EPS8L2: variants seen among roughly 807,000 people sequenced by gnomAD.
EPS8L2 encodes epidermal growth factor receptor kinase substrate 8-like protein 2.
Under a neutral mutation model 99.4 loss-of-function variants are expected in EPS8L2, and 81 were observed. The ratio of observed to expected loss-of-function variants is 0.82; its 90% CI spans 0.68 to 0.98. The LOEUF is 0.98. Ranked by LOEUF, EPS8L2 falls within the 50% of genes least tolerant of loss-of-function variation. The probability of loss-of-function intolerance (pLI) is 0.00; values close to 1 mark genes in which losing one functional copy is unlikely to be tolerated. For synonymous variants in EPS8L2, 509 were observed against 407.3 expected (o/e 1.25, Z -3.01); for missense variants, 1,155 against 968.8 (o/e 1.19, Z -2.55).
chr11:709,210 G>C, intron 1 of EPS8L2, 120 bp from the exon 2 acceptor site: 1 of 567,520 alleles, frequency 1.8e-6, no homozygotes, highest in Non-Finnish European at 2.9e-6. Context: ...GTCGGGCAGG[G>C]GCTCTGCCCC....
At chr11:720,994 A>AGGAGCCCGGCAGGGGAGGGGC in intron 7 of EPS8L2, 70 bp from the exon 8 acceptor site, 4 of 1,428,160 alleles carry the variant, frequency 2.8e-6, no homozygotes, top group Non-Finnish European at 3.7e-6. Flanking sequence ...AGGGGAGGGG[A>AGGAGCCCGGCAGGGGAGGGGC]GGAGCCCGGC....
chr11:708,260 G>A (rs1861783474), intron 1 of EPS8L2, among the ~76,000 whole-genome samples: 2 of 152,204 alleles, frequency 1.3e-5, no homozygotes, highest in African/African-American at 2.4e-5. Flanking sequence ...GTCCCCACAG[G>A]GCATAGTCCC....
rs1306740024 is a variant in EPS8L2, at chr11:721,956, T to C, written c.949T>C (p.Cys317Arg). Residue 317 changes from cysteine to arginine, a missense_variant, in exon 11 of 21, where the codon TGC becomes CGC. Transcript: ENST00000318562. Reference protein sequence around the residue: ...RPPSEGEFIDCFQKIKLAINL... With the variant: ...RPPSEGEFIDRFQKIKLAINL... ...CCCCTCTGAGGGCGAGTTCATCGAC[T>C]GCTTCCAGAAAATCAAGCTGGCGAT... 62 of 1,603,398 alleles carry C rather than the reference T, an allele frequency of 3.9e-5. No individual in the cohort carries two copies. The highest frequency in any genetic ancestry group is 5.2e-5 in the Non-Finnish European group (61 of 1,175,254).
Position 724,698 on chromosome 11 carries a change from G to T in EPS8L2, c.1455-26G>T, listed in dbSNP as rs749447719. ...TCAGAGGAGACCCCCACCAGACTGGGCCTCAGCCCCTCCTGTTCCTCACAG... is the reference window on the plus strand; with the variant it reads ...TCAGAGGAGACCCCCACCAGACTGGTCCTCAGCCCCTCCTGTTCCTCACAG... On this transcript the variant is annotated intron_variant, in intron 15 of 20. Coordinates refer to ENST00000318562, the MANE Select transcript of EPS8L2 (RefSeq NM_022772.4). The surrounding 1 kb of genome is among the most constrained non-coding windows in gnomAD (Gnocchi z 5.5). The T allele has an allele frequency of 1.3e-6, 2 of 1,563,260 alleles. No homozygotes were observed. Among genetic ancestry groups the T allele is most frequent in the Non-Finnish European group, 1.8e-6 (2 of 1,134,922 alleles).
chr11:707,851 G>C (rs1324976243), intron 1 of EPS8L2, among the ~76,000 whole-genome samples: 1 of 152,152 alleles, frequency 6.6e-6, no homozygotes, highest in Non-Finnish European at 1.5e-5. Context: ...GCCCAGGTGT[G>C]TGCCTGGACA....
At position 720,587 on chromosome 11, in the gene EPS8L2, G is replaced by A. The variant is rs1462288114; in HGVS notation, c.328-10G>A. 1 of 1,596,506 alleles carries A rather than the reference G, an allele frequency of 6.3e-7. No individual in the cohort carries two copies. Among genetic ancestry groups the A allele is most frequent in the Non-Finnish European group, 8.5e-7 (1 of 1,173,392 alleles). ...CGGGTGCGAGTCGTGTCCGCGCGAT[G>A]TACCCGCAGGAGGAGCTGGAAGACT... On this transcript the variant is annotated splice_polypyrimidine_tract_variant and intron_variant, in intron 5 of 20. Coordinates refer to ENST00000318562, the MANE Select transcript of EPS8L2 (RefSeq NM_022772.4).
intron 15 of EPS8L2, among the ~76,000 whole-genome samples, chr11:723,840 T>C (rs1423621830): frequency 6.7e-6 from 1 of 148,870 alleles, no homozygotes; most frequent in Non-Finnish European, 1.5e-5. Context: ...TTTCCTTGCC[T>C]CTCCTCTTCC....
chr11:709,190 C>G (rs2133497417), intron 1 of EPS8L2, 140 bp from the exon 2 acceptor site: 1 of 616,512 alleles, frequency 1.6e-6, no homozygotes, highest in East Asian at 2.7e-5. Context: ...GACGTGGGGC[C>G]AACTGGGATG....
rs758406101 is a variant in EPS8L2 at position 720,753 on chromosome 11, C to T, written c.477+7C>T. The T allele has an allele frequency of 3.7e-6, 4 of 1,081,412 alleles. No individual in the cohort carries two copies. Among genetic ancestry groups the T allele is most frequent in the South Asian group, 2.7e-5 (2 of 73,752 alleles). The allele number at this position is 1,081,412 out of a possible 1,614,324, so 67.0% of individuals were successfully genotyped here. A position where few individuals can be genotyped will look rare whatever the true frequency, so the allele number is the denominator to read the frequency against. On this transcript the variant is annotated splice_region_variant and intron_variant, in intron 6 of 20. Transcript: ENST00000318562. ...CCACTGCGATGAGGTGGAGGTGAGGCGGTGCCGGGCGGGGCAGGGTGGGGC... is the reference window on the plus strand; with the variant it reads ...CCACTGCGATGAGGTGGAGGTGAGGTGGTGCCGGGCGGGGCAGGGTGGGGC...
Position 713,646 on chromosome 11 carries a change from G to A in EPS8L2, c.165+3160G>A, listed in dbSNP as rs531109623. On this transcript the variant is annotated intron_variant, in intron 4 of 20. Transcript: ENST00000318562. ...TGCAACCTCCGCCTCAAGGGTTCAA[G>A]TGATTCTCCTGCCTCAGCCTCCCCA... 5.3e-5 allele frequency among the ~76,000 whole-genome samples: 8 copies of A among 152,328 alleles called. No individual in the cohort carries two copies. The East Asian group carries it at 1.5e-3, about 29-fold the overall frequency.
Position 721,089 on chromosome 11 carries a change from C to G in EPS8L2, c.583C>G (p.Arg195Gly), listed in dbSNP as rs998723580. Residue 195 changes from arginine (R) to glycine (G), a missense_variant, in exon 8 of 21, where the codon CGG (arginine) becomes GGG (glycine). Arg to Gly is a moderately radical substitution (Grantham distance 125). Coordinates refer to ENST00000318562, the MANE Select transcript of EPS8L2 (RefSeq NM_022772.4). ...LKGHQEKIRQ[R>G]QSILPPPQGP... ...GGGACACCAGGAGAAGATTCGGCAG[C>G]GGCAGTCCATCCTGCCTCCTCCCCA... The G allele has an allele frequency of 6.6e-7, 1 of 1,508,362 alleles. No individual in the cohort carries two copies. Among genetic ancestry groups the G allele is most frequent in the Admixed American group, 2.1e-5 (1 of 47,158 alleles). 93.4% of individuals were successfully genotyped at this position (1,508,362 alleles called of 1,614,324 possible).
intron 4 of EPS8L2, among the ~76,000 whole-genome samples, chr11:717,396 C>T (rs1299567143): frequency 6.6e-6 from 1 of 152,216 alleles, no homozygotes; most frequent in Non-Finnish European, 1.5e-5. Flanking sequence ...ACCGATGCCA[C>T]ATTTTGCACG....
At chr11:707,024 C>T (rs1404057710) in intron 1 of EPS8L2, among the ~76,000 whole-genome samples, 3 of 152,004 alleles carry the variant, frequency 2.0e-5, no homozygotes, top group Non-Finnish European at 4.4e-5. Context: ...GAGGCAGGGC[C>T]GGGCATGCCC....
At position 726,372 on chromosome 11, in the gene EPS8L2, C is replaced by T. The variant is rs751317615; in HGVS notation, c.1822C>T (p.Pro608Ser). ...GAAAATCAGCAACATCAGGGCGCAG[C>T]CACAGAGGCACTTCCGCGTGGAGCG... ...IRKISNIRAQPQRHFRVERSQ... is the reference protein window; with the variant it reads ...IRKISNIRAQSQRHFRVERSQ... The change falls in exon 19 of 21, where the codon CCA becomes TCA. Residue 608 changes from proline to serine, a missense_variant. By Grantham distance (74) the Pro-to-Ser change is moderately conservative. Transcript: ENST00000318562. The T allele has an allele frequency of 3.1e-6, 5 of 1,610,806 alleles. No homozygotes were observed. The highest frequency in any genetic ancestry group is 2.2e-5 in the East Asian group (1 of 44,778).
At position 722,346 on chromosome 11, in the gene EPS8L2, G is replaced by T. The variant is rs552655387; in HGVS notation, c.1060-55G>T. ...AGGGCCAGCCTGTGGAGCTACGGGGGTGCTGGGCCAGGGTCTGTGGGCCTC... is the reference window on the plus strand; with the variant it reads ...AGGGCCAGCCTGTGGAGCTACGGGGTTGCTGGGCCAGGGTCTGTGGGCCTC... On this transcript the variant is annotated intron_variant, in intron 12 of 20. Transcript: ENST00000318562. The T allele has an allele frequency of 1.6e-4, 255 of 1,594,062 alleles. No individual in the cohort carries two copies. The African/African-American group carries it at 2.6e-3, about 16-fold the overall frequency.
In EPS8L2 at chr11:724,633, G is replaced by A. The variant is rs1862268199; in HGVS notation, c.1455-91G>A. ...GAACAGAAAAGAGGCAGCCAGTCGTGCACCTGGGAAGCTGCTGCCCCCCAG... is the reference window on the plus strand; with the variant it reads ...GAACAGAAAAGAGGCAGCCAGTCGTACACCTGGGAAGCTGCTGCCCCCCAG... On this transcript the variant is annotated intron_variant, in intron 15 of 20. Coordinates refer to ENST00000318562, the MANE Select transcript of EPS8L2 (RefSeq NM_022772.4). The surrounding 1 kb of genome is among the most constrained non-coding windows in gnomAD (Gnocchi z 5.5). 2.4e-6 allele frequency: 2 copies of A among 849,748 alleles called. No homozygotes were observed. Among genetic ancestry groups the A allele is most frequent in the South Asian group, 1.4e-5 (1 of 73,514 alleles). The allele number at this position is 849,748 out of a possible 1,614,324, so 52.6% of individuals were successfully genotyped here. A position where few individuals can be genotyped will look rare whatever the true frequency, so the allele number is the denominator to read the frequency against.
At chr11:726,251 G>C (rs1862317957) in intron 18 of EPS8L2, 53 bp from the exon 19 acceptor site, 1 of 1,574,768 alleles carries the variant, frequency 6.4e-7, no homozygotes, top group African/African-American at 1.3e-5. Flanking sequence ...CCCTGGGCCG[G>C]GGGCGGGGGC....
chr11:721,023 G>A (rs376290540), intron 7 of EPS8L2, 41 bp from the exon 8 acceptor site: 54 of 1,472,256 alleles, frequency 3.7e-5, no homozygotes, highest in Non-Finnish European at 4.7e-5. Flanking sequence ...AGGGTCAGGT[G>A]CGTTCCCGGC....
At chr11:725,660 G>A in intron 16 of EPS8L2, 68 bp from the exon 17 acceptor site, 2 of 1,276,590 alleles carry the variant, frequency 1.6e-6, no homozygotes, top group Non-Finnish European at 2.0e-6. Flanking sequence ...TCTGTAAAGC[G>A]GCGCCAGCGG....
Sources: allele counts gnomAD v4.1 joint callset (sites outside exome capture counted in the v4.1 genomes callset), GRCh38; gene constraint gnomAD v4.1.1; non-coding constraint Gnocchi (gnomAD v3.1); transcripts MANE v1.5; gene names NCBI Gene and HGNC (gene_info 2026-07-23, HGNC 2026-07-21).